The following DSCAM variants were observed in gnomAD, a reference collection of about 807,000 sequenced individuals.
The protein encoded by DSCAM is DS cell adhesion molecule.
DSCAM carries 47 observed loss-of-function variants against 217.7 expected under a neutral mutation model. That is an observed-to-expected ratio of 0.22 (90% CI 0.17 to 0.28). The LOEUF (loss-of-function observed/expected upper bound fraction) is 0.28, where lower values mean the gene tolerates loss of function less well. DSCAM is among the 10% of genes least tolerant of loss of function. The pLI, the probability that DSCAM is intolerant of heterozygous loss-of-function variation, is 1.00. For missense variants in DSCAM, 2,080 were observed against 2,618.3 expected (o/e 0.79, Z 4.49); for synonymous variants, 1,056 against 1,015.3 (o/e 1.04, Z -0.76).
intron 3 of DSCAM, among the ~76,000 whole-genome samples, chr21:40,410,602 C>G (rs565594169): frequency 6.7e-6 from 1 of 149,996 alleles, no homozygotes; most frequent in East Asian, 2.0e-4. Context: ...TGCTGAAAGC[C>G]AGTCATGAAG....
chr21:40,072,870 C>T (rs958942627), intron 27 of DSCAM, among the ~76,000 whole-genome samples: 3 of 152,232 alleles, frequency 2.0e-5, no homozygotes, highest in African/African-American at 4.8e-5. Flanking sequence ...AAACTATTTC[C>T]GGAGAATGAA....
intron 8 of DSCAM, among the ~76,000 whole-genome samples, chr21:40,315,565 A>G (rs1437645699): frequency 6.6e-6 from 1 of 152,138 alleles, no homozygotes; most frequent in African/African-American, 2.4e-5. Flanking sequence ...CAGCATTAAA[A>G]CCAAAACGAA....
intron 20 of DSCAM, among the ~76,000 whole-genome samples, chr21:40,120,089 A>G (rs2090016749): frequency 1.3e-5 from 2 of 152,122 alleles, no homozygotes; most frequent in African/African-American, 4.8e-5. Flanking sequence ...GACTTGTTTA[A>G]TTCTAAGTTA....
intron 19 of DSCAM, among the ~76,000 whole-genome samples, chr21:40,127,627 T>C (rs1371257679): frequency 6.6e-6 from 1 of 152,204 alleles, no homozygotes; most frequent in Non-Finnish European, 1.5e-5. Context: ...TTGGCTGAGA[T>C]GTTTCACACG....
intron 3 of DSCAM, among the ~76,000 whole-genome samples, chr21:40,650,629 G>A (rs1008222730): frequency 1.2e-4 from 18 of 152,200 alleles, no homozygotes; most frequent in Non-Finnish European, 2.4e-4. Context: ...ATAAAGAAGT[G>A]GGGAGGCTGG....
intron 3 of DSCAM, among the ~76,000 whole-genome samples, chr21:40,616,998 C>T (rs2089406018): frequency 1.0e-5 from 1 of 99,184 alleles, no homozygotes. Context: ...GCCTGGGCGA[C>T]AGAGCAAGAC....
At chr21:40,674,744 T>C (rs902033267) in intron 3 of DSCAM, among the ~76,000 whole-genome samples, 7 of 149,848 alleles carry the variant, frequency 4.7e-5, no homozygotes, top group African/African-American at 1.7e-4. Context: ...GGCATTCTCC[T>C]GCCTCAGCCT....
At chr21:40,399,073 C>A (rs927483444) in intron 3 of DSCAM, among the ~76,000 whole-genome samples, 1 of 152,130 alleles carries the variant, frequency 6.6e-6, no homozygotes, top group Non-Finnish European at 1.5e-5. Context: ...AAGTTTGAGA[C>A]CAGCCTGAGC....
chr21:40,270,751 A>AGCTTGGGGGCC (rs1342825789), intron 11 of DSCAM, among the ~76,000 whole-genome samples: 1 of 152,032 alleles, frequency 6.6e-6, no homozygotes, highest in South Asian at 2.1e-4. Flanking sequence ...CATGGGGGGC[A>AGCTTGGGGGCC]GCTTGGGGGC....
chr21:40,704,122 T>C (rs1013119868), intron 2 of DSCAM, among the ~76,000 whole-genome samples: 4 of 152,180 alleles, frequency 2.6e-5, no homozygotes, highest in Non-Finnish European at 5.9e-5. Flanking sequence ...GGTATCACCA[T>C]TACAGTATCA....
chr21:40,663,275 G>C (rs77052112), intron 3 of DSCAM, among the ~76,000 whole-genome samples: 1 of 117,728 alleles, frequency 8.5e-6, no homozygotes, highest in Non-Finnish European at 1.8e-5. Flanking sequence ...TGTGGGGGGG[G>C]TGTATATGTG....
intron 3 of DSCAM, among the ~76,000 whole-genome samples, chr21:40,427,291 T>C (rs955575565): frequency 9.9e-5 from 15 of 152,268 alleles, no homozygotes; most frequent in African/African-American, 3.6e-4. Context: ...GTCCTGGGCA[T>C]GAACCCGTGT....
chr21:40,410,648 A>C (rs376796735), intron 3 of DSCAM, among the ~76,000 whole-genome samples: 16 of 152,050 alleles, frequency 1.1e-4, no homozygotes, highest in Admixed American at 9.8e-4. Context: ...TTAAATTACG[A>C]ACAAATGAAG....
chr21:40,444,039 A>G (rs1429758644), intron 3 of DSCAM, among the ~76,000 whole-genome samples: 2 of 152,164 alleles, frequency 1.3e-5, no homozygotes, highest in African/African-American at 4.8e-5. Context: ...AGGTGCAATA[A>G]TAGAGGAAAA....
intron 3 of DSCAM, among the ~76,000 whole-genome samples, chr21:40,465,993 C>A (rs935794521): frequency 2.0e-5 from 3 of 152,196 alleles, no homozygotes; most frequent in Admixed American, 1.3e-4. Context: ...CGGAATCATG[C>A]CTGCAAAAAT....
chr21:40,343,672 T>C (rs1452476574), intron 6 of DSCAM, among the ~76,000 whole-genome samples: 2 of 152,114 alleles, frequency 1.3e-5, no homozygotes, highest in Non-Finnish European at 2.9e-5. Context: ...TCTATATGTA[T>C]ATCAATGTGT....
At chr21:40,788,134 A>G (rs1261281902) in intron 1 of DSCAM, among the ~76,000 whole-genome samples, 2 of 152,240 alleles carry the variant, frequency 1.3e-5, no homozygotes, top group Non-Finnish European at 2.9e-5. Context: ...TTCCCAATAA[A>G]CTAAATGCAT....
chr21:40,397,113 G>A (rs2075185790), intron 3 of DSCAM, among the ~76,000 whole-genome samples: 1 of 152,162 alleles, frequency 6.6e-6, no homozygotes. Context: ...CTGAGAGATG[G>A]ATTTGAGACT....
At position 40,083,081 on chromosome 21, in the gene DSCAM, G is replaced by A. The variant is rs574478352; in HGVS notation, c.4231+827C>T. Among the ~76,000 whole-genome samples, 4 of 152,232 alleles carry A rather than the reference G, an allele frequency of 2.6e-5. No homozygotes were observed. In the South Asian group the frequency reaches 8.3e-4, roughly 32 times the overall value. ...AGGCCCTCTTTCCTGTGTATCTTCT[G>A]TCTCTAGCTTAACTCCACCCACACT... On this transcript the variant is annotated intron_variant, in intron 24 of 32. Transcript: ENST00000400454.
Sources: gnomAD v4.1 joint callset for allele counts (sites outside exome capture counted in the v4.1 genomes callset) on GRCh38, gnomAD v4.1.1 for gene constraint, MANE v1.5 for transcripts, NCBI Gene and HGNC (gene_info 2026-07-23, HGNC 2026-07-21) for gene names.